Variants in PLXDC2 observed in about 807,000 individuals in gnomAD.
PLXDC2 encodes plexin domain containing 2.
A neutral mutation model predicts 68.9 loss-of-function variants in PLXDC2; 40 were observed. The ratio of observed to expected loss-of-function variants is 0.58; its 90% CI spans 0.45 to 0.76. The LOEUF is 0.76. PLXDC2 is among the 30% of genes least tolerant of loss of function. PLXDC2 has a pLI of 0.00. For missense variants in PLXDC2, 644 were observed against 661.9 expected (o/e 0.97, Z 0.30); for synonymous variants, 243 against 234.2 (o/e 1.04, Z -0.34).
chr10:20,071,875 G>A (rs952076232), intron 4 of PLXDC2, among the ~76,000 whole-genome samples: 1 of 152,192 alleles, frequency 6.6e-6, no homozygotes, highest in Admixed American at 6.5e-5. Context: ...AGAGGCAGTT[G>A]AGAAGAAGTG....
At position 20,217,596 on chromosome 10, in the gene PLXDC2, C is replaced by CTT. The variant is rs66483508; in HGVS notation, c.1273+47_1273+48dup. The CTT allele has an allele frequency of 0.051, 39,801 of 776,412 alleles. 1,134 individuals carry two copies. Among genetic ancestry groups the CTT allele is most frequent in the African/African-American group, 0.098 (2,783 of 28,298 alleles). 48.1% of individuals were successfully genotyped at this position (776,412 alleles called of 1,614,324 possible). A position where few individuals can be genotyped will look rare whatever the true frequency, so the allele number is the denominator to read the frequency against. On this transcript the variant is annotated intron_variant, in intron 11 of 13. Transcript: ENST00000377252. ...CAGAAGGTACCCAAGAGATAGTTTGCTTTTTTTTTTTTTTTTTTTTTTTTT... is the reference window on the plus strand; with the variant it reads ...CAGAAGGTACCCAAGAGATAGTTTGCTTTTTTTTTTTTTTTTTTTTTTTTTTT...
chr10:20,164,441 A>G (rs751293865), intron 6 of PLXDC2, 27 bp from the exon 7 acceptor site: 5 of 1,550,244 alleles, frequency 3.2e-6, no homozygotes, highest in Admixed American at 1.7e-5. Flanking sequence ...GATCTAACAT[A>G]TAGTTACCTG....
chr10:20,058,455 C>A (rs189484434), intron 3 of PLXDC2, among the ~76,000 whole-genome samples: 1 of 152,260 alleles, frequency 6.6e-6, no homozygotes, highest in East Asian at 1.9e-4. Context: ...GAAGTAATAA[C>A]AGCACTTACC....
At chr10:19,886,635 G>A (rs894371331) in intron 1 of PLXDC2, among the ~76,000 whole-genome samples, 2 of 152,072 alleles carry the variant, frequency 1.3e-5, no homozygotes, top group South Asian at 2.1e-4. Flanking sequence ...CAAAATAATA[G>A]GAGCTATCTA....
At chr10:19,987,145 C>A (rs944429091) in intron 1 of PLXDC2, among the ~76,000 whole-genome samples, 2 of 152,164 alleles carry the variant, frequency 1.3e-5, no homozygotes, top group African/African-American at 4.8e-5. Flanking sequence ...TGAGGTTAAT[C>A]CCATTTGGCT....
At chr10:20,072,522 A>AGAAAGAAAGAAAG (rs1384794011) in intron 4 of PLXDC2, among the ~76,000 whole-genome samples, 2 of 102,656 alleles carry the variant, frequency 1.9e-5, no homozygotes, top group Admixed American at 1.7e-4. Flanking sequence ...AAAGAAAGAA[A>AGAAAGAAAGAAAG]GAAAGAAAGA....
chr10:19,829,677 G>A (rs1464254878), intron 1 of PLXDC2, among the ~76,000 whole-genome samples: 2 of 152,080 alleles, frequency 1.3e-5, no homozygotes, highest in African/African-American at 4.8e-5. Flanking sequence ...GCAGTGAGCC[G>A]AGATCATGCC....
intron 13 of PLXDC2, among the ~76,000 whole-genome samples, chr10:20,252,375 G>T (rs1835688234): frequency 1.3e-5 from 2 of 152,076 alleles, no homozygotes; most frequent in African/African-American, 4.8e-5. Context: ...TAGTATCTTG[G>T]ATATGCTGGA....
intron 13 of PLXDC2, among the ~76,000 whole-genome samples, chr10:20,271,502 A>G (rs765796184): frequency 1.4e-4 from 21 of 152,328 alleles, no homozygotes; most frequent in African/African-American, 3.6e-4. Context: ...TGACTTTCCA[A>G]TGGAAATTAG....
chr10:19,993,599 T>C (rs1239774779), intron 1 of PLXDC2, among the ~76,000 whole-genome samples: 1 of 152,132 alleles, frequency 6.6e-6, no homozygotes. Context: ...TTTGTATTTT[T>C]AGTAGAGACT....
intron 1 of PLXDC2, among the ~76,000 whole-genome samples, chr10:19,915,048 CA>C (rs1232853163): frequency 2.0e-5 from 3 of 152,056 alleles, no homozygotes; most frequent in South Asian, 4.2e-4. Context: ...ATTGATGAGT[CA>C]TTTTTTTTAA....
At chr10:19,916,768 G>A (rs538040137) in intron 1 of PLXDC2, among the ~76,000 whole-genome samples, 16 of 151,984 alleles carry the variant, frequency 1.1e-4, no homozygotes, top group Non-Finnish European at 2.2e-4. Context: ...ACAATACCTG[G>A]CACCTATTCA....
intron 2 of PLXDC2, among the ~76,000 whole-genome samples, chr10:20,045,293 G>A (rs1254572715): frequency 2.0e-5 from 3 of 151,914 alleles, no homozygotes; most frequent in African/African-American, 7.2e-5. Flanking sequence ...ACCTCAGCCT[G>A]TCAAGTAGCT....
intron 6 of PLXDC2, among the ~76,000 whole-genome samples, chr10:20,163,339 T>C (rs1200434542): frequency 6.6e-6 from 1 of 152,200 alleles, no homozygotes; most frequent in African/African-American, 2.4e-5. Context: ...TTTAACAAAA[T>C]AGCCCTTTCA....
At chr10:19,962,335 C>CT (rs33953842) in intron 1 of PLXDC2, among the ~76,000 whole-genome samples, 16,175 of 58,568 alleles carry the variant, frequency 0.28, 3,125 homozygotes, top group East Asian at 0.37. Context: ...AAAGGAGGTT[C>CT]TTTTTTTTTT....
chr10:20,155,877 T>A (rs2131805910), intron 6 of PLXDC2, among the ~76,000 whole-genome samples: 1 of 152,236 alleles, frequency 6.6e-6, no homozygotes, highest in African/African-American at 2.4e-5. Context: ...TATTTTATTT[T>A]ATGTATTATT....
intron 5 of PLXDC2, 79 bp from the exon 6 acceptor site, chr10:20,147,705 C>T (rs2131797544): frequency 1.2e-6 from 1 of 867,798 alleles, no homozygotes; most frequent in South Asian, 1.9e-5. Flanking sequence ...GATGCAAAAA[C>T]ATTTTTGTGA....
At chr10:19,837,905 G>C (rs1836829513) in intron 1 of PLXDC2, among the ~76,000 whole-genome samples, 1 of 152,150 alleles carries the variant, frequency 6.6e-6, no homozygotes, top group African/African-American at 2.4e-5. Flanking sequence ...TTAGCAAAAA[G>C]TGACTAACGT....
At chr10:20,176,109 T>G (rs1432711104) in intron 7 of PLXDC2, among the ~76,000 whole-genome samples, 1 of 152,212 alleles carries the variant, frequency 6.6e-6, no homozygotes, top group East Asian at 1.9e-4. Flanking sequence ...ATCTTCTTCC[T>G]CAGGGACATT....
Sources: gnomAD v4.1 joint callset for allele counts (sites outside exome capture counted in the v4.1 genomes callset) on GRCh38, gnomAD v4.1.1 for gene constraint, MANE v1.5 for transcripts, NCBI Gene and HGNC (gene_info 2026-07-23, HGNC 2026-07-21) for gene names.